The following MCTP1 variants were observed in gnomAD, a reference collection of about 807,000 sequenced individuals.
MCTP1 encodes multiple C2 and transmembrane domain containing 1.
In MCTP1, 69 loss-of-function variants were observed where a neutral mutation model predicts 120.6. The observed-to-expected ratio is 0.57, with a 90% CI of 0.47 to 0.70. MCTP1 has a LOEUF of 0.70. Among genes scored for constraint, MCTP1 ranks in the 30% least tolerant of loss-of-function variants. MCTP1 has a pLI of 0.00. For synonymous variants in MCTP1, 529 were observed against 493.1 expected (o/e 1.07, Z -0.96); for missense variants, 1,203 against 1,248.8 (o/e 0.96, Z 0.55).
chr5:95,213,500 T>C (rs1214485055), intron 1 of MCTP1, among the ~76,000 whole-genome samples: 1 of 152,082 alleles, frequency 6.6e-6, no homozygotes, highest in Non-Finnish European at 1.5e-5. Context: ...CTTCACAGAA[T>C]TGGAAAAAAC....
intron 1 of MCTP1, among the ~76,000 whole-genome samples, chr5:95,092,167 T>TG (rs1562136216): frequency 6.6e-6 from 1 of 152,252 alleles, no homozygotes; most frequent in Non-Finnish European, 1.5e-5. Flanking sequence ...TATGGTTTTT[T>TG]TTGTTGTTGT....
At chr5:94,746,276 C>T (rs1231288519) in intron 19 of MCTP1, among the ~76,000 whole-genome samples, 1 of 152,202 alleles carries the variant, frequency 6.6e-6, no homozygotes, top group Non-Finnish European at 1.5e-5. Flanking sequence ...CTGCCTCCTA[C>T]TCCTTTCTGA....
At chr5:94,806,979 T>G (rs1398555626) in intron 17 of MCTP1, among the ~76,000 whole-genome samples, 1 of 152,218 alleles carries the variant, frequency 6.6e-6, no homozygotes, top group Admixed American at 6.5e-5. Context: ...TAATTTCAAT[T>G]CATTTTTTTC....
At position 94,924,025 on chromosome 5, in the gene MCTP1, GAAAC is replaced by G. The variant is rs74421956; in HGVS notation, c.1213-8_1213-5del. 5.6e-4 allele frequency: 821 copies of G among 1,471,658 alleles called. 9 individuals carry two copies. The East Asian group carries it at 0.017, about 31-fold the overall frequency. 91.2% of individuals were successfully genotyped at this position (1,471,658 alleles called of 1,614,324 possible). A position where few individuals can be genotyped will look rare whatever the true frequency, so the allele number is the denominator to read the frequency against. Reference sequence around the variant, plus strand: ...CCACTTCATTTTCTGAAAGTTCCTAGAAACAAACAAATATTTAGCTACATTTTGA... The same window carrying G: ...CCACTTCATTTTCTGAAAGTTCCTAGAAACAAATATTTAGCTACATTTTGA... On this transcript the variant is annotated splice_polypyrimidine_tract_variant and splice_region_variant and intron_variant, in intron 6 of 22. Transcript: ENST00000515393.
chr5:95,149,853 GT>G (rs34206274), intron 1 of MCTP1, among the ~76,000 whole-genome samples: 60,659 of 151,918 alleles, frequency 0.4, 13,788 homozygotes, highest in Non-Finnish European at 0.52. Flanking sequence ...GATTGTGCAG[GT>G]CCCTGTAGGA....
intron 1 of MCTP1, among the ~76,000 whole-genome samples, chr5:95,137,895 T>A (rs1348925572): frequency 6.6e-6 from 1 of 152,182 alleles, no homozygotes; most frequent in Non-Finnish European, 1.5e-5. Flanking sequence ...GCAAGCAACA[T>A]GTTCTTAGAA....
At chr5:94,849,104 G>T (rs978772009) in intron 17 of MCTP1, among the ~76,000 whole-genome samples, 1 of 151,786 alleles carries the variant, frequency 6.6e-6, no homozygotes, top group African/African-American at 2.4e-5. Flanking sequence ...TGGGTTCTTT[G>T]GTAGCAAACG....
At chr5:95,148,596 T>C (rs537397929) in intron 1 of MCTP1, among the ~76,000 whole-genome samples, 1 of 152,206 alleles carries the variant, frequency 6.6e-6, no homozygotes, top group Non-Finnish European at 1.5e-5. Flanking sequence ...TCTTGGATCA[T>C]TTTACTGGAT....
At chr5:94,984,068 T>C (rs1830019201) in intron 2 of MCTP1, among the ~76,000 whole-genome samples, 1 of 152,232 alleles carries the variant, frequency 6.6e-6, no homozygotes, top group South Asian at 2.1e-4. Context: ...CCTAAATCTA[T>C]TTTTAGACTC....
rs114739472 is a variant in MCTP1 at position 95,236,217 on chromosome 5, A to T, written c.720+47639T>A. ...TTGCTGATGATATTCTCTTAACAACATGATGAAGAAAATGCTTTAAGGTAA... is the reference window on the plus strand; with the variant it reads ...TTGCTGATGATATTCTCTTAACAACTTGATGAAGAAAATGCTTTAAGGTAA... On this transcript the variant is annotated intron_variant, in intron 1 of 22. Coordinates refer to ENST00000515393, the MANE Select transcript of MCTP1 (RefSeq NM_024717.7). Among the ~76,000 whole-genome samples the T allele has an allele frequency of 7.2e-3, 1,100 of 152,314 alleles. 12 individuals carry two copies. The highest frequency in any genetic ancestry group is 0.03 in the South Asian group (146 of 4,828).
intron 1 of MCTP1, among the ~76,000 whole-genome samples, chr5:95,054,367 G>GAT (rs1746808328): frequency 6.6e-6 from 1 of 152,194 alleles, no homozygotes; most frequent in African/African-American, 2.4e-5. Context: ...ATTTTAAAGA[G>GAT]ATAAACTATG....
intron 2 of MCTP1, among the ~76,000 whole-genome samples, chr5:94,973,922 G>T (rs1229878554): frequency 6.6e-6 from 1 of 151,992 alleles, no homozygotes; most frequent in East Asian, 1.9e-4. Context: ...ACAAGTAGAA[G>T]ATGCACATAG....
intron 1 of MCTP1, among the ~76,000 whole-genome samples, chr5:95,182,301 G>A (rs1314550102): frequency 6.6e-6 from 1 of 152,138 alleles, no homozygotes; most frequent in Non-Finnish European, 1.5e-5. Flanking sequence ...ACATTGGAAG[G>A]TGATTCAAAC....
intron 19 of MCTP1, among the ~76,000 whole-genome samples, chr5:94,730,461 T>G (rs1762917246): frequency 6.6e-6 from 1 of 152,180 alleles, no homozygotes; most frequent in African/African-American, 2.4e-5. Flanking sequence ...GAGGCTGATT[T>G]TACTGCCCTA....
intron 19 of MCTP1, among the ~76,000 whole-genome samples, chr5:94,722,819 CACATAGCACA>C (rs953926762): frequency 4.5e-4 from 68 of 152,250 alleles, no homozygotes; most frequent in African/African-American, 1.6e-3. Flanking sequence ...AGTATAGACT[CACATAGCACA>C]ACGTCTAAAA....
intron 2 of MCTP1, chr5:94,978,845 T>A (rs1345940554): frequency 1.6e-5 from 1 of 63,286 alleles, no homozygotes; most frequent in African/African-American, 6.4e-5. Context: ...GTAGATCTCA[T>A]GTTAAGTGTT....
chr5:94,784,040 AAAG>A (rs1207712746), intron 18 of MCTP1, among the ~76,000 whole-genome samples: 7 of 152,146 alleles, frequency 4.6e-5, no homozygotes, highest in Admixed American at 3.9e-4. Flanking sequence ...TTACACATTT[AAAG>A]AAGAAATCAC....
intron 17 of MCTP1, among the ~76,000 whole-genome samples, chr5:94,836,605 T>C (rs1214712392): frequency 6.6e-6 from 1 of 152,208 alleles, no homozygotes; most frequent in Non-Finnish European, 1.5e-5. Context: ...TCCCTTTCCC[T>C]AGTGATTGCA....
intron 6 of MCTP1, among the ~76,000 whole-genome samples, chr5:94,927,777 G>A (rs1051075491): frequency 6.6e-6 from 1 of 152,008 alleles, no homozygotes; most frequent in African/African-American, 2.4e-5. Context: ...TAACTACTAC[G>A]CCCTGCAGAC....
Sources: gnomAD v4.1 joint callset for allele counts (sites outside exome capture counted in the v4.1 genomes callset) on GRCh38, gnomAD v4.1.1 for gene constraint, MANE v1.5 for transcripts, NCBI Gene and HGNC (gene_info 2026-07-23, HGNC 2026-07-21) for gene names.